The following P4HA2 variants were observed in gnomAD, a reference collection of about 807,000 sequenced individuals.
P4HA2 encodes prolyl 4-hydroxylase subunit alpha 2, also known as prolyl 4-hydroxylase subunit alpha-2.
Under a neutral mutation model 76.9 loss-of-function variants are expected in P4HA2, and 46 were observed. The ratio of observed to expected loss-of-function variants is 0.60; its 90% CI spans 0.47 to 0.76. P4HA2 has a LOEUF of 0.76. Ranked by LOEUF, P4HA2 falls within the 30% of genes least tolerant of loss-of-function variation. The pLI is 0.00. For missense variants in P4HA2, 583 were observed against 669.4 expected, an observed-to-expected ratio of 0.87 and a Z score of 1.42; for synonymous variants, 243 against 254.0, an observed-to-expected ratio of 0.96 and a Z score of 0.41.
intron 4 of P4HA2, 137 bp from the exon 5 acceptor site, chr5:132,214,190 C>A: frequency 1.3e-6 from 1 of 799,584 alleles, no homozygotes; most frequent in East Asian, 2.7e-5. Flanking sequence ...CTGTTGCCCC[C>A]TTCCACCAGG....
chr5:132,219,794 TGA>T (rs1338838757), intron 1 of P4HA2, among the ~76,000 whole-genome samples: 1 of 152,162 alleles, frequency 6.6e-6, no homozygotes, highest in Non-Finnish European at 1.5e-5. Flanking sequence ...CCGCCATACT[TGA>T]TTAGACACAC....
At chr5:132,213,823 G>A (rs1753451028) in intron 5 of P4HA2, 93 bp downstream of exon 5, 22 of 1,215,714 alleles carry the variant, frequency 1.8e-5, no homozygotes, top group Admixed American at 1.0e-4. Flanking sequence ...AGGTGCACCC[G>A]AGGTTAAAGG....
rs758378356 is a variant in P4HA2 at position 132,195,464 on chromosome 5, G to C, written c.1382C>G (p.Ala461Gly). ...TFLNYMSDVE[A>G]GGATVFPDLG... ...ATCAGGGAAGACGGTGGCACCACCA[G>C]CTTCTACATCACTCATCTGGAAATA... is the stretch of plus-strand genomic sequence containing the variant. The change falls in exon 13 of 15, where the codon GCT becomes GGT. Residue 461 changes from alanine (A) to glycine (G), a missense_variant. Ala to Gly is a moderately conservative substitution (Grantham distance 60). Transcript: ENST00000360568. 5 of 1,612,876 alleles carry C rather than the reference G, an allele frequency of 3.1e-6. No homozygotes were observed. In the East Asian group the frequency reaches 8.9e-5, roughly 29 times the overall value.
rs576305807 is a variant in P4HA2, at chr5:132,195,111, C to T, written c.1435-89G>A. The T allele has an allele frequency of 6.9e-6, 6 of 864,758 alleles. No homozygotes were observed. The East Asian group carries it at 1.2e-4, about 18-fold the overall frequency. The allele number at this position is 864,758 out of a possible 1,614,324, so 53.6% of individuals were successfully genotyped here. ...AGCATCACAGAAGCTCTGCCCTGAG[C>T]AGAAACACCCTCATTTTCCCATGGA... On this transcript the variant is annotated intron_variant, in intron 13 of 14. Transcript: ENST00000360568.
intron 12 of P4HA2, among the ~76,000 whole-genome samples, chr5:132,197,015 C>T (rs1177877761): frequency 6.6e-6 from 1 of 152,086 alleles, no homozygotes; most frequent in African/African-American, 2.4e-5. Flanking sequence ...ACAATAAAAG[C>T]ATAAAGGGAA....
In P4HA2 at chr5:132,212,713, G is replaced by A. The variant is rs557501827; in HGVS notation, c.469+1203C>T. On this transcript the variant is annotated intron_variant, in intron 5 of 14. Transcript: ENST00000360568. The stretch of plus-strand genomic sequence containing the variant: ...GTGATGGAAATGGCTGTGCTCACCT[G>A]GGGAAGGTGCTCAGGGAGAAGATGA... Among the ~76,000 whole-genome samples, 3 of 152,320 alleles carry A rather than the reference G, an allele frequency of 2.0e-5. No individual in the cohort carries two copies. The East Asian group carries it at 5.8e-4, about 29-fold the overall frequency.
rs1580623879 is a variant in P4HA2, at chr5:132,191,433, A to G, written c.*1577T>C. Among the ~76,000 whole-genome samples, 2 of 146,436 alleles carry G rather than the reference A, an allele frequency of 1.4e-5. No individual in the cohort carries two copies. The highest frequency in any genetic ancestry group is 7.0e-5 in the Admixed American group (1 of 14,324). On this transcript the variant is annotated 3_prime_UTR_variant, in exon 15 of 15. Coordinates refer to ENST00000360568, the MANE Select transcript of P4HA2 (RefSeq NM_001017974.2). Reference sequence around the variant, plus strand: ...AGGCTGAGGCAGGAGAATGGCGTGAACCCGGGAGGCGGAGCTTGCAGTGAG... The same window carrying G: ...AGGCTGAGGCAGGAGAATGGCGTGAGCCCGGGAGGCGGAGCTTGCAGTGAG...
chr5:132,219,099 A>G (rs1754303055), intron 1 of P4HA2, among the ~76,000 whole-genome samples: 1 of 152,356 alleles, frequency 6.6e-6, no homozygotes, highest in South Asian at 2.1e-4. Flanking sequence ...GCAACAGTAC[A>G]TGAGAGACAA....
intron 14 of P4HA2, 130 bp from the exon 15 acceptor site, chr5:132,193,210 G>A: frequency 1.5e-6 from 1 of 662,926 alleles, no homozygotes; most frequent in Non-Finnish European, 2.7e-6. Context: ...CATGATCTCA[G>A]GCCTCAATTT....
At position 132,190,604 on chromosome 5, in the gene P4HA2, A is replaced by G. The variant is rs551337302; in HGVS notation, c.*2406T>C. ...CGTATAAAGATAAACCTAAATGACA[A>G]AGACTATATAGCTTTCAGAAGAGAA... is the stretch of plus-strand genomic sequence containing the variant. On this transcript the variant is annotated 3_prime_UTR_variant, in exon 15 of 15. Coordinates refer to ENST00000360568, the MANE Select transcript of P4HA2 (RefSeq NM_001017974.2). Among the ~76,000 whole-genome samples the G allele has an allele frequency of 6.6e-6, 1 of 152,368 alleles. No individual in the cohort carries two copies. Among genetic ancestry groups the G allele is most frequent in the South Asian group, 2.1e-4 (1 of 4,830 alleles).
Position 132,209,474 on chromosome 5 carries a change from G to A in P4HA2, c.710-143C>T, listed in dbSNP as rs142704449. 1.1e-5 allele frequency: 8 copies of A among 723,160 alleles called. No homozygotes were observed. The East Asian group carries it at 1.3e-4, about 12-fold the overall frequency. The allele number at this position is 723,160 out of a possible 1,614,324, so 44.8% of individuals were successfully genotyped here. On this transcript the variant is annotated intron_variant, in intron 6 of 14. Coordinates refer to ENST00000360568, the MANE Select transcript of P4HA2 (RefSeq NM_001017974.2). ...CTTCCACAGCATCTAACCAGAGTAC[G>A]CTGGTCGTAACTGGAAAACCAACAG...
rs1335897392 is a variant in P4HA2 at position 132,191,100 on chromosome 5, G to C, written c.*1910C>G. On this transcript the variant is annotated 3_prime_UTR_variant, in exon 15 of 15. Transcript: ENST00000360568. ...ACAGGCATCTTCTTGCTGTGTGTTC[G>C]CATGGCAGAAAGAGGGCTGGGATCT... is the stretch of plus-strand genomic sequence containing the variant. Among the ~76,000 whole-genome samples, 5 of 152,162 alleles carry C rather than the reference G, an allele frequency of 3.3e-5. No individual in the cohort carries two copies. The highest frequency in any genetic ancestry group is 1.3e-4 in the Admixed American group (2 of 15,290).
At chr5:132,208,459 A>G (rs1451321755) in intron 7 of P4HA2, among the ~76,000 whole-genome samples, 1 of 84,562 alleles carries the variant, frequency 1.2e-5, no homozygotes, top group African/African-American at 4.7e-5. Flanking sequence ...GGGAGGGGAG[A>G]GGAGAGGAGA....
intron 7 of P4HA2, 109 bp from the exon 8 acceptor site, chr5:132,207,993 C>T (rs921518207): frequency 2.6e-6 from 2 of 783,642 alleles, no homozygotes; most frequent in South Asian, 1.9e-5. Context: ...GCTGCTCCCT[C>T]CCACCACACC....
intron 4 of P4HA2, 66 bp from the exon 5 acceptor site, chr5:132,214,119 G>C: frequency 6.5e-7 from 1 of 1,530,318 alleles, no homozygotes; most frequent in Non-Finnish European, 8.9e-7. Context: ...CTTGGGACCA[G>C]AGAGGCAGCC....
intron 13 of P4HA2, 103 bp from the exon 14 acceptor site, chr5:132,195,125 T>C: frequency 2.5e-6 from 2 of 791,012 alleles, no homozygotes; most frequent in Non-Finnish European, 4.4e-6. Context: ...AACACCCTCA[T>C]TTTCCCATGG....
chr5:132,197,934 G>T (rs1283867207), intron 12 of P4HA2: 6 of 890,886 alleles, frequency 6.7e-6, no homozygotes, highest in African/African-American at 1.8e-5. Context: ...GGTTAAGATG[G>T]TAAGTTTTAT....
chr5:132,206,260 A>C (rs1426969631), intron 8 of P4HA2, among the ~76,000 whole-genome samples: 1 of 152,194 alleles, frequency 6.6e-6, no homozygotes, highest in African/African-American at 2.4e-5. Flanking sequence ...CCAACAAAGT[A>C]GTTTTCTTTC....
At chr5:132,209,446 T>G in intron 6 of P4HA2, 115 bp from the exon 7 acceptor site, 1 of 839,344 alleles carries the variant, frequency 1.2e-6, no homozygotes, top group Non-Finnish European at 1.9e-6. Flanking sequence ...TGCTGCATTC[T>G]ACCTTCCACA....
Sources: gnomAD v4.1 joint callset for allele counts (sites outside exome capture counted in the v4.1 genomes callset) on GRCh38, gnomAD v4.1.1 for gene constraint, MANE v1.5 for transcripts, NCBI Gene and HGNC (gene_info 2026-07-23, HGNC 2026-07-21) for gene names.